Variants in PLXNA4 observed in about 807,000 individuals in gnomAD.
PLXNA4 encodes plexin-A4.
PLXNA4 carries 44 observed loss-of-function variants against 191.8 expected under a neutral mutation model. That is an observed-to-expected ratio of 0.23 (90% CI 0.18 to 0.29). PLXNA4 has a LOEUF of 0.29. PLXNA4 is among the 10% of genes least tolerant of loss of function. The probability of loss-of-function intolerance (pLI) is 1.00; values close to 1 mark genes in which losing one functional copy is unlikely to be tolerated. For synonymous variants in PLXNA4, 1,082 were observed against 1,009.5 expected, an observed-to-expected ratio of 1.07 and a Z score of -1.36; for missense variants, 1,800 against 2,488.8, an observed-to-expected ratio of 0.72 and a Z score of 5.89.
intron 4 of PLXNA4, 71 bp downstream of exon 4, chr7:132,298,020 A>C: frequency 6.3e-7 from 1 of 1,591,064 alleles, no homozygotes; most frequent in Non-Finnish European, 8.6e-7. Context: ...TGGCCTCCTA[A>C]GGTTTGTACT....
At chr7:132,265,737 T>A (rs1441598158) in intron 4 of PLXNA4, among the ~76,000 whole-genome samples, 2 of 152,144 alleles carry the variant, frequency 1.3e-5, no homozygotes, top group Admixed American at 6.5e-5. Flanking sequence ...AGGACAGGGC[T>A]CAGCTGCAGG....
chr7:132,432,249 C>T (rs1795292241), intron 3 of PLXNA4, among the ~76,000 whole-genome samples: 1 of 152,288 alleles, frequency 6.6e-6, no homozygotes, highest in African/African-American at 2.4e-5. Flanking sequence ...TTAGTTAGTC[C>T]TCTCTGCAAC....
chr7:132,297,193 T>A (rs1347719731), intron 4 of PLXNA4, among the ~76,000 whole-genome samples: 1 of 152,098 alleles, frequency 6.6e-6, no homozygotes, highest in African/African-American at 2.4e-5. Context: ...CTGCCCCTCA[T>A]GGCCGCTGCT....
At chr7:132,171,122 GCCGCTGT>G (rs1476198950) in intron 21 of PLXNA4, among the ~76,000 whole-genome samples, 1 of 152,166 alleles carries the variant, frequency 6.6e-6, no homozygotes, top group African/African-American at 2.4e-5. Context: ...TCACATACAT[GCCGCTGT>G]CCTTCAAATT....
chr7:132,623,870 C>A (rs1368228373), intron 2 of PLXNA4, among the ~76,000 whole-genome samples: 3 of 152,202 alleles, frequency 2.0e-5, no homozygotes, highest in Non-Finnish European at 2.9e-5. Context: ...TAAAGCCAAG[C>A]TGCTTAGTTG....
chr7:132,275,049 AGGGTCAATACTTT>A (rs1563006336), intron 4 of PLXNA4, among the ~76,000 whole-genome samples: 1 of 152,120 alleles, frequency 6.6e-6, no homozygotes, highest in Non-Finnish European at 1.5e-5. Context: ...ATAAATATTC[AGGGTCAATACTTT>A]GAGACTATGC....
intron 3 of PLXNA4, among the ~76,000 whole-genome samples, chr7:132,419,360 C>A (rs934198067): frequency 1.3e-5 from 2 of 152,146 alleles, no homozygotes; most frequent in Non-Finnish European, 2.9e-5. Context: ...AGCTGAGCAG[C>A]CTGCATCCAA....
At chr7:132,155,235 C>T (rs899932304) in intron 25 of PLXNA4, among the ~76,000 whole-genome samples, 6 of 152,094 alleles carry the variant, frequency 3.9e-5, no homozygotes, top group Admixed American at 3.3e-4. Flanking sequence ...GAGGAGACTG[C>T]GTGTGAACGG....
intron 1 of PLXNA4, among the ~76,000 whole-genome samples, chr7:132,530,283 C>T (rs1799572796): frequency 6.6e-6 from 1 of 152,052 alleles, no homozygotes; most frequent in Non-Finnish European, 1.5e-5. Context: ...TCAATTATAT[C>T]TCAACAAAAC....
chr7:132,246,504 C>G (rs556591500), intron 4 of PLXNA4, among the ~76,000 whole-genome samples: 1 of 152,170 alleles, frequency 6.6e-6, no homozygotes, highest in Admixed American at 6.5e-5. Context: ...AAATAACTCA[C>G]AAGAGGTCAA....
At position 132,576,352 on chromosome 7, in the gene PLXNA4, C is replaced by G. The variant is rs1802235594; in HGVS notation, c.-87+70G>C. 1 of 981,292 alleles carries G rather than the reference C, an allele frequency of 1.0e-6. No individual in the cohort carries two copies. Among genetic ancestry groups the G allele is most frequent in the Non-Finnish European group, 1.2e-6 (1 of 826,240 alleles). The allele number at this position is 981,292 out of a possible 1,614,324, so 60.8% of individuals were successfully genotyped here. Reference sequence around the variant, plus strand: ...GGGACACTGAGGACTCCCGGGTCGGCCCAGGTCTGTCCGACCTTGCTGCCC... The same window carrying G: ...GGGACACTGAGGACTCCCGGGTCGGGCCAGGTCTGTCCGACCTTGCTGCCC... On this transcript the variant is annotated intron_variant, in intron 1 of 31. Transcript: ENST00000321063. This position sits in a 1 kb window ranked among gnomAD's most constrained non-coding sequence, Gnocchi z 5.8.
intron 3 of PLXNA4, chr7:132,384,510 A>G: frequency 1.0e-6 from 1 of 986,528 alleles, no homozygotes; most frequent in South Asian, 4.7e-5. Context: ...CATAGTCTTA[A>G]GGAAAGGAGA....
At chr7:132,271,377 C>A (rs1800063448) in intron 4 of PLXNA4, 2 of 148,660 alleles carry the variant, frequency 1.3e-5, no homozygotes, top group Non-Finnish European at 3.0e-5. Context: ...CCTTACACTG[C>A]TATCAAAGTA....
chr7:132,578,368 T>C (rs1312245510), upstream of PLXNA4, among the ~76,000 whole-genome samples: 1 of 152,190 alleles, frequency 6.6e-6, no homozygotes, highest in Non-Finnish European at 1.5e-5. Context: ...CCCATGGCTC[T>C]TGGCCTCCTC....
intron 3 of PLXNA4, among the ~76,000 whole-genome samples, chr7:132,323,425 T>C (rs1802253214): frequency 6.6e-6 from 1 of 152,212 alleles, no homozygotes; most frequent in East Asian, 1.9e-4. Context: ...TAGGCATTAT[T>C]ACCTCCAAAG....
intron 9 of PLXNA4, among the ~76,000 whole-genome samples, chr7:132,217,818 G>C (rs1393509518): frequency 6.6e-6 from 1 of 151,652 alleles, no homozygotes; most frequent in Non-Finnish European, 1.5e-5. Flanking sequence ...CAGTTGTCTG[G>C]AGGAATGGCA....
chr7:132,274,918 AT>A (rs1800215592), intron 4 of PLXNA4, among the ~76,000 whole-genome samples: 1 of 151,960 alleles, frequency 6.6e-6, no homozygotes, highest in Admixed American at 6.6e-5. Flanking sequence ...TCAGTGCATC[AT>A]ATCAAATTGT....
intron 3 of PLXNA4, among the ~76,000 whole-genome samples, chr7:132,363,567 A>G (rs895366440): frequency 1.8e-4 from 27 of 152,336 alleles, no homozygotes; most frequent in African/African-American, 4.8e-4. Context: ...TTATATGGAT[A>G]GACCACATTT....
intron 1 of PLXNA4, among the ~76,000 whole-genome samples, chr7:132,522,599 C>T (rs189496168): frequency 6.6e-6 from 1 of 152,264 alleles, no homozygotes; most frequent in East Asian, 1.9e-4. Context: ...TGGTGAAGCC[C>T]CATTTCTACA....
Sources: allele counts gnomAD v4.1 joint callset (sites outside exome capture counted in the v4.1 genomes callset), GRCh38; gene constraint gnomAD v4.1.1; non-coding constraint Gnocchi (gnomAD v3.1); transcripts MANE v1.5; gene names NCBI Gene and HGNC (gene_info 2026-07-23, HGNC 2026-07-21).